The following PTPRN2 variants were observed in gnomAD, a reference collection of about 807,000 sequenced individuals.
The protein encoded by PTPRN2 is protein tyrosine phosphatase receptor type N2, also known as receptor-type tyrosine-protein phosphatase N2.
In PTPRN2, 74 loss-of-function variants were observed where a neutral mutation model predicts 118.8. That is an observed-to-expected ratio of 0.62 (90% CI 0.52 to 0.76). The LOEUF is 0.76. Among genes scored for constraint, PTPRN2 ranks in the 30% least tolerant of loss-of-function variants. PTPRN2 has a pLI of 0.00. For missense variants in PTPRN2, 1,481 were observed against 1,394.4 expected (o/e 1.06, Z -0.99); for synonymous variants, 641 against 608.0 (o/e 1.05, Z -0.80).
At chr7:158,173,591 C>T (rs1468607134) in intron 5 of PTPRN2, among the ~76,000 whole-genome samples, 1 of 152,138 alleles carries the variant, frequency 6.6e-6, no homozygotes, top group East Asian at 1.9e-4. Context: ...AAACAGGGTT[C>T]GAGAGCAGAC....
rs554849561 is a variant in PTPRN2, at chr7:157,622,652, C to T, written c.2197-1143G>A. On this transcript the variant is annotated intron_variant, in intron 14 of 22. Transcript: ENST00000389418. The surrounding 1 kb of genome is among the most constrained non-coding windows in gnomAD (Gnocchi z 5.3). ...CCCTGCTGTGCTGGCCCAGCTCACA[C>T]GGGAGCAGGTGCATCGGGCACCTGT... Among the ~76,000 whole-genome samples the T allele has an allele frequency of 3.9e-5, 6 of 152,320 alleles. No individual in the cohort carries two copies. Among genetic ancestry groups the T allele is most frequent in the African/African-American group, 9.6e-5 (4 of 41,582 alleles).
At position 157,878,315 on chromosome 7, in the gene PTPRN2, G is replaced by GCT. The variant is rs548686289; in HGVS notation, c.1788+20356_1788+20357dup. Among the ~76,000 whole-genome samples, 912 of 149,204 alleles carry GCT rather than the reference G, an allele frequency of 6.1e-3. 11 individuals are homozygous for GCT. The highest frequency in any genetic ancestry group is 0.021 in the African/African-American group (834 of 39,802). On this transcript the variant is annotated intron_variant, in intron 12 of 22. Coordinates refer to ENST00000389418, the MANE Select transcript of PTPRN2 (RefSeq NM_002847.5). ...TGCACCCACACTTACTCACCGAGGAGCTCTCGGATTCCGTGGGGCTGGAAG... is the reference window on the plus strand; with the variant it reads ...TGCACCCACACTTACTCACCGAGGAGCTCTCTCGGATTCCGTGGGGCTGGAAG...
At chr7:158,029,246 C>CA (rs1807511288) in intron 11 of PTPRN2, 2 of 150,562 alleles carry the variant, frequency 1.3e-5, no homozygotes, top group Admixed American at 1.3e-4. Context: ...ATCCTCTCGC[C>CA]GGGGGCACGG....
intron 11 of PTPRN2, among the ~76,000 whole-genome samples, chr7:157,961,047 A>G (rs528249942): frequency 5.8e-4 from 89 of 152,262 alleles, no homozygotes; most frequent in African/African-American, 2.0e-3. Flanking sequence ...AACAAAAAAC[A>G]AGCAAAAACC....
At position 157,595,314 on chromosome 7, in the gene PTPRN2, A is replaced by C; in HGVS notation, c.2420T>G (p.Met807Arg). ...CGCGGGGTTCCTCGGGTCGTGATCC[A>C]TCTGCAGAGACAAGACCACACCACA... Reference protein sequence around the residue: ...HSDYINASPIMDHDPRNPAYI... With the variant: ...HSDYINASPIRDHDPRNPAYI... The change falls in exon 17 of 23, where the codon ATG becomes AGG. Residue 807 changes from methionine (M) to arginine (R), a missense_variant and splice_region_variant. Met to Arg is a moderately conservative substitution (Grantham distance 91). Coordinates refer to ENST00000389418, the MANE Select transcript of PTPRN2 (RefSeq NM_002847.5). 1 of 1,614,194 alleles carries C rather than the reference A, an allele frequency of 6.2e-7. No individual in the cohort carries two copies.
At chr7:158,105,154 T>C (rs1486732446) in intron 10 of PTPRN2, among the ~76,000 whole-genome samples, 2 of 134,514 alleles carry the variant, frequency 1.5e-5, no homozygotes, top group African/African-American at 2.9e-5. Flanking sequence ...CAGCTTTATC[T>C]CAACTCCAGT....
chr7:157,978,198 G>A (rs995880819), intron 11 of PTPRN2, among the ~76,000 whole-genome samples: 2 of 151,944 alleles, frequency 1.3e-5, no homozygotes, highest in African/African-American at 4.8e-5. Flanking sequence ...TCTGGCACAG[G>A]GCTGTGAAAC....
chr7:158,277,428 G>A (rs28634016), intron 3 of PTPRN2, among the ~76,000 whole-genome samples: 58 of 152,330 alleles, frequency 3.8e-4, no homozygotes, highest in African/African-American at 1.4e-3. Context: ...AGACACGGAC[G>A]TTTGTACCTG....
chr7:158,204,264 C>T (rs1435688219), intron 4 of PTPRN2, among the ~76,000 whole-genome samples: 2 of 151,854 alleles, frequency 1.3e-5, no homozygotes, highest in African/African-American at 2.4e-5. Context: ...GCAGCCCCCG[C>T]CCTCAGTGTG....
intron 2 of PTPRN2, among the ~76,000 whole-genome samples, chr7:158,430,062 C>T (rs985104364): frequency 6.6e-6 from 1 of 152,116 alleles, no homozygotes; most frequent in Non-Finnish European, 1.5e-5. Context: ...TGCACGCTAC[C>T]ACGCCCAGCT....
intron 1 of PTPRN2, among the ~76,000 whole-genome samples, chr7:158,522,340 C>A (rs372233349): frequency 8.8e-6 from 1 of 113,450 alleles, no homozygotes; most frequent in African/African-American, 3.5e-5. Flanking sequence ...GGGAGGTCCA[C>A]GTCACAATGG....
intron 1 of PTPRN2, among the ~76,000 whole-genome samples, chr7:158,550,738 C>G (rs189654373): frequency 1.3e-5 from 2 of 152,224 alleles, no homozygotes; most frequent in South Asian, 4.1e-4. Flanking sequence ...CTCTCATAGG[C>G]GTCGTTAATG....
Position 157,714,401 on chromosome 7 carries a change from C to T in PTPRN2, c.1789-31464G>A, listed in dbSNP as rs563998836. Among the ~76,000 whole-genome samples the T allele has an allele frequency of 2.6e-5, 4 of 152,278 alleles. No homozygotes were observed. In the South Asian group the frequency reaches 6.2e-4, roughly 24 times the overall value. ...TTCGCCCTGTGCAGGGCTGGGCTTG[C>T]GACCTCAGTCTTTCCCGGCAGCTCT... On this transcript the variant is annotated intron_variant, in intron 12 of 22. Coordinates refer to ENST00000389418, the MANE Select transcript of PTPRN2 (RefSeq NM_002847.5).
intron 1 of PTPRN2, among the ~76,000 whole-genome samples, chr7:158,524,537 G>T (rs1282861470): frequency 6.6e-6 from 1 of 150,746 alleles, no homozygotes; most frequent in African/African-American, 2.4e-5. Context: ...CTGCCCTGGA[G>T]TGGAGTCTGC....
At chr7:157,777,482 A>C (rs1047470178) in intron 12 of PTPRN2, among the ~76,000 whole-genome samples, 2 of 146,512 alleles carry the variant, frequency 1.4e-5, no homozygotes, top group African/African-American at 5.1e-5. Context: ...TCAGGGACGC[A>C]GCCTTCCTGA....
At chr7:158,375,286 T>A (rs1014044433) in intron 2 of PTPRN2, among the ~76,000 whole-genome samples, 69 of 152,306 alleles carry the variant, frequency 4.5e-4, no homozygotes, top group African/African-American at 1.6e-3. Flanking sequence ...TCACTGCTCA[T>A]TTAGTCCCTC....
intron 12 of PTPRN2, among the ~76,000 whole-genome samples, chr7:157,816,721 G>A (rs976004955): frequency 1.3e-5 from 2 of 152,138 alleles, no homozygotes; most frequent in African/African-American, 4.8e-5. Flanking sequence ...CCTTGGAAGC[G>A]GGTGGTGCGA....
chr7:158,116,727 C>T (rs1216789067), intron 9 of PTPRN2, among the ~76,000 whole-genome samples: 3 of 152,212 alleles, frequency 2.0e-5, no homozygotes, highest in Non-Finnish European at 4.4e-5. Context: ...AATGCTAACA[C>T]CCATTTTTCC....
At chr7:158,306,336 G>A (rs1801283449) in intron 3 of PTPRN2, among the ~76,000 whole-genome samples, 1 of 152,220 alleles carries the variant, frequency 6.6e-6, no homozygotes, top group African/African-American at 2.4e-5. Flanking sequence ...CCCAGGCTGT[G>A]CACACTCAGG....
Sources: allele counts gnomAD v4.1 joint callset (sites outside exome capture counted in the v4.1 genomes callset), GRCh38; gene constraint gnomAD v4.1.1; non-coding constraint Gnocchi (gnomAD v3.1); transcripts MANE v1.5; gene names NCBI Gene and HGNC (gene_info 2026-07-23, HGNC 2026-07-21).